The following CDK6 variants were observed in gnomAD, a reference collection of about 807,000 sequenced individuals.
The protein encoded by CDK6 is cyclin-dependent kinase 6.
A neutral mutation model predicts 37.1 loss-of-function variants in CDK6; 6 were observed. The observed-to-expected ratio is 0.16, with a 90% confidence interval of 0.09 to 0.32. The LOEUF is 0.32. CDK6 is among the 10% of genes least tolerant of loss of function. CDK6 has a pLI of 1.00. For missense variants in CDK6, 224 were observed against 418.9 expected (o/e 0.53, Z 4.06); for synonymous variants, 160 against 161.3 (o/e 0.99, Z 0.06).
chr7:92,675,005 T>C (rs1027389749), intron 4 of CDK6, among the ~76,000 whole-genome samples: 31 of 152,234 alleles, frequency 2.0e-4, no homozygotes, highest in African/African-American at 7.5e-4. Flanking sequence ...CTAATATTTT[T>C]GTATTTTTTG....
chr7:92,765,964 C>T (rs573405266), intron 3 of CDK6, among the ~76,000 whole-genome samples: 21 of 151,976 alleles, frequency 1.4e-4, no homozygotes, highest in Non-Finnish European at 2.6e-4. Context: ...GGACAAATGC[C>T]GAGCTAGAAG....
At chr7:92,760,463 G>C (rs78899091) in intron 3 of CDK6, among the ~76,000 whole-genome samples, 2,338 of 152,192 alleles carry the variant, frequency 0.015, 24 homozygotes, top group Middle Eastern at 0.044. Context: ...CTTATGTTGG[G>C]CTATAAAGAT....
At chr7:92,706,011 G>T (rs541777918) in intron 4 of CDK6, among the ~76,000 whole-genome samples, 6 of 152,326 alleles carry the variant, frequency 3.9e-5, no homozygotes, top group Admixed American at 6.5e-5. Context: ...TTCTTGAAAG[G>T]TTAATAGCTG....
intron 5 of CDK6, among the ~76,000 whole-genome samples, chr7:92,640,140 C>T (rs567860385): frequency 1.1e-4 from 17 of 152,232 alleles, no homozygotes; most frequent in Admixed American, 5.2e-4. Context: ...CAAGAGAGCA[C>T]GCCGCTCAGC....
chr7:92,679,780 G>GT (rs374292864), intron 4 of CDK6, among the ~76,000 whole-genome samples: 169 of 152,130 alleles, frequency 1.1e-3, no homozygotes, highest in African/African-American at 4.0e-3. Context: ...GAGTGCAGTG[G>GT]TGTGATCTCG....
chr7:92,827,918 T>C (rs918971860), intron 2 of CDK6, among the ~76,000 whole-genome samples: 7 of 152,208 alleles, frequency 4.6e-5, no homozygotes, highest in African/African-American at 1.2e-4. Flanking sequence ...CTTATGTGTC[T>C]GATGGTTATT....
At chr7:92,673,324 A>T (rs906799187) in intron 4 of CDK6, among the ~76,000 whole-genome samples, 1 of 152,238 alleles carries the variant, frequency 6.6e-6, no homozygotes, top group Non-Finnish European at 1.5e-5. Context: ...TGGCAACATC[A>T]AATTGGAAAA....
chr7:92,743,586 A>G (rs1338298809), intron 3 of CDK6, among the ~76,000 whole-genome samples: 1 of 152,158 alleles, frequency 6.6e-6, no homozygotes, highest in Non-Finnish European at 1.5e-5. Context: ...GGGGAAACCC[A>G]AAGTCCAGTA....
chr7:92,645,847 G>A (rs1226676047), intron 5 of CDK6, among the ~76,000 whole-genome samples: 2 of 152,176 alleles, frequency 1.3e-5, no homozygotes, highest in Non-Finnish European at 2.9e-5. Flanking sequence ...CCTTAGTAAG[G>A]CTCCATCTTT....
intron 5 of CDK6, among the ~76,000 whole-genome samples, chr7:92,659,607 G>GACACACACAC (rs71722069): frequency 3.0e-4 from 44 of 146,006 alleles, no homozygotes; most frequent in African/African-American, 1.1e-3. Context: ...AAGTAGGCAT[G>GACACACACAC]ACACACACAC....
Position 92,711,858 on chromosome 7 carries a change from A to G in CDK6, c.537+13768T>C, listed in dbSNP as rs575542505. Among the ~76,000 whole-genome samples, 7 of 151,708 alleles carry G rather than the reference A, an allele frequency of 4.6e-5. No homozygotes were observed. The South Asian group carries it at 1.5e-3, about 32-fold the overall frequency. ...GGTGGAATTACATGCGTTAACCACC[A>G]CACTGGTGGAATGTTCAAATTTTAA... On this transcript the variant is annotated intron_variant, in intron 4 of 7. Transcript: ENST00000424848.
rs1435826417 is a variant in CDK6, at chr7:92,609,209, C to T, written c.*5931G>A. The T allele has an allele frequency of 1.7e-5, 4 of 232,762 alleles. No homozygotes were observed. The highest frequency in any genetic ancestry group is 5.6e-5 in the Admixed American group (1 of 17,762). 14.4% of individuals were successfully genotyped at this position (232,762 alleles called of 1,614,324 possible). ...AAGGAATAAGCTGCTTTCTGTGGTGCTGTGCTAAGGAAACTGAAAAATACT... is the reference window on the plus strand; with the variant it reads ...AAGGAATAAGCTGCTTTCTGTGGTGTTGTGCTAAGGAAACTGAAAAATACT... On this transcript the variant is annotated 3_prime_UTR_variant, in exon 8 of 8. Transcript: ENST00000424848.
intron 5 of CDK6, among the ~76,000 whole-genome samples, chr7:92,662,372 C>T (rs996051327): frequency 6.6e-6 from 1 of 151,968 alleles, no homozygotes; most frequent in Non-Finnish European, 1.5e-5. Context: ...GAAGTGAATC[C>T]TAGCATGGAA....
At chr7:92,740,013 C>T (rs561758811) in intron 3 of CDK6, among the ~76,000 whole-genome samples, 1 of 152,338 alleles carries the variant, frequency 6.6e-6, no homozygotes, top group East Asian at 1.9e-4. Flanking sequence ...CTGTCTTGGC[C>T]TCCCACAGCA....
intron 4 of CDK6, among the ~76,000 whole-genome samples, chr7:92,723,100 C>T (rs1346239331): frequency 1.3e-5 from 2 of 152,118 alleles, no homozygotes; most frequent in South Asian, 2.1e-4. Flanking sequence ...CGCTTGAACT[C>T]GGAGGGCAGA....
At chr7:92,781,387 C>T (rs1470589464) in intron 2 of CDK6, among the ~76,000 whole-genome samples, 2 of 152,262 alleles carry the variant, frequency 1.3e-5, no homozygotes, top group East Asian at 3.8e-4. Context: ...ATTAACTCTG[C>T]ATCCTACCCA....
chr7:92,774,234 C>G (rs755292828), intron 3 of CDK6, among the ~76,000 whole-genome samples: 1 of 152,110 alleles, frequency 6.6e-6, no homozygotes, highest in Non-Finnish European at 1.5e-5. Flanking sequence ...GAGGGCCTAA[C>G]AAGTAATATT....
chr7:92,637,517 A>AAGCG (rs984876838), intron 5 of CDK6, among the ~76,000 whole-genome samples: 60 of 152,366 alleles, frequency 3.9e-4, no homozygotes, highest in African/African-American at 1.4e-3. Flanking sequence ...TTAAGTAGAT[A>AAGCG]AAAACCAGTG....
intron 4 of CDK6, among the ~76,000 whole-genome samples, chr7:92,685,796 T>C (rs552888319): frequency 1.1e-4 from 16 of 152,358 alleles, no homozygotes; most frequent in African/African-American, 3.8e-4. Flanking sequence ...AAGTTCCCTC[T>C]GTTTTAATCT....
Sources: allele counts gnomAD v4.1 joint callset (sites outside exome capture counted in the v4.1 genomes callset), GRCh38; gene constraint gnomAD v4.1.1; transcripts MANE v1.5; gene names NCBI Gene and HGNC (gene_info 2026-07-23, HGNC 2026-07-21).